RASD2: variants seen among roughly 807,000 people sequenced by gnomAD.
The protein encoded by RASD2 is GTP-binding protein Rhes.
In RASD2, 7 loss-of-function variants were observed where a neutral mutation model predicts 15.8. That is an observed-to-expected ratio of 0.44 (90% CI 0.25 to 0.83). The LOEUF (loss-of-function observed/expected upper bound fraction) is 0.83, where lower values mean the gene tolerates loss of function less well. Ranked by LOEUF, RASD2 falls within the 40% of genes least tolerant of loss-of-function variation. The pLI, the probability that RASD2 is intolerant of heterozygous loss-of-function variation, is 0.20. For synonymous variants in RASD2, 155 were observed against 153.6 expected (o/e 1.01, Z -0.07); for missense variants, 274 against 382.8 (o/e 0.72, Z 2.37).
At chr22:35,545,430 T>C (rs539734733) in intron 1 of RASD2, among the ~76,000 whole-genome samples, 1 of 152,328 alleles carries the variant, frequency 6.6e-6, no homozygotes, top group Admixed American at 6.5e-5. Context: ...TGCCTTTTCC[T>C]CTACACAAGA....
upstream of RASD2, among the ~76,000 whole-genome samples, chr22:35,537,418 G>A (rs1934259804): frequency 6.6e-6 from 1 of 152,232 alleles, no homozygotes; most frequent in Non-Finnish European, 1.5e-5. Context: ...TGCTAATGGG[G>A]GTGACGAGGC....
rs868033780 is a variant in RASD2, at chr22:35,552,646, T to G, written c.*614T>G. 1 of 152,880 alleles carries G rather than the reference T, an allele frequency of 6.5e-6. No homozygotes were observed. Among genetic ancestry groups the G allele is most frequent in the African/African-American group, 2.4e-5 (1 of 41,248 alleles). 9.5% of individuals were successfully genotyped at this position (152,880 alleles called of 1,614,324 possible). ...ACACCTCCTAGACCACGCCCACCAC[T>G]TAGACCACGCCCACCTCCTGACCGC... On this transcript the variant is annotated 3_prime_UTR_variant, in exon 3 of 3. Transcript: ENST00000216127.
chr22:35,546,999 G>A lies in RASD2; in HGVS notation c.190G>A (p.Gly64Ser), dbSNP rs1569102242. 2 of 1,614,104 alleles carry A rather than the reference G, an allele frequency of 1.2e-6. No homozygotes were observed. The highest frequency in any genetic ancestry group is 1.7e-6 in the Non-Finnish European group (2 of 1,180,038). Residue 64 changes from glycine to serine, a missense_variant, in exon 2 of 3, where the codon GGC (glycine) becomes AGC (serine). Gly to Ser is a moderately conservative substitution (Grantham distance 56). Transcript: ENST00000216127. The stretch of plus-strand genomic sequence containing the variant: ...CCACCGTAAGGTATACAACATCCGC[G>A]GCGACATGTACCAGCTCGACATCCT... ...DFHRKVYNIR[G>S]DMYQLDILDT...
intron 1 of RASD2, among the ~76,000 whole-genome samples, chr22:35,542,456 G>A (rs916670120): frequency 2.0e-5 from 3 of 152,254 alleles, no homozygotes; most frequent in African/African-American, 4.8e-5. Context: ...GCCCCAGGAA[G>A]CCAAGTCATT....
the RASD2 span, among the ~76,000 whole-genome samples, chr22:35,533,000 G>A: frequency 6.6e-6 from 1 of 152,168 alleles, no homozygotes; most frequent in South Asian, 2.1e-4. Context: ...GACTGACTTT[G>A]CCCAGTTACT....
upstream of RASD2, among the ~76,000 whole-genome samples, chr22:35,535,952 CG>C (rs1934242131): frequency 6.6e-6 from 1 of 152,030 alleles, no homozygotes; most frequent in Non-Finnish European, 1.5e-5. Flanking sequence ...TCAGATGCAC[CG>C]GGGGCAGGGT....
intron 1 of RASD2, among the ~76,000 whole-genome samples, chr22:35,542,712 C>T (rs1934384927): frequency 6.6e-6 from 1 of 152,216 alleles, no homozygotes; most frequent in Non-Finnish European, 1.5e-5. Flanking sequence ...CTGGGGCATA[C>T]ACCGGGAGGA....
upstream of RASD2, among the ~76,000 whole-genome samples, chr22:35,540,567 G>A (rs755680552): frequency 5.8e-4 from 88 of 151,918 alleles, no homozygotes; most frequent in Non-Finnish European, 9.9e-4. Flanking sequence ...GCTCGCAGGG[G>A]CGCGGGAGGG....
At chr22:35,540,336 G>A (rs1350604539), upstream of RASD2, among the ~76,000 whole-genome samples, 1 of 150,728 alleles carries the variant, frequency 6.6e-6, no homozygotes. Flanking sequence ...AGCGGCCCCG[G>A]CCCCACGCGC....
chr22:35,539,627 G>A (rs1934294789), upstream of RASD2, among the ~76,000 whole-genome samples: 1 of 152,188 alleles, frequency 6.6e-6, no homozygotes, highest in African/African-American at 2.4e-5. Context: ...GCAGGCCACG[G>A]TTTCCAGCTG....
chr22:35,542,434 G>T (rs867188593), intron 1 of RASD2, among the ~76,000 whole-genome samples: 1 of 152,240 alleles, frequency 6.6e-6, no homozygotes, highest in Non-Finnish European at 1.5e-5. Flanking sequence ...CATTAACAGA[G>T]GAATAACCTG....
At position 35,547,684 on chromosome 22, in the gene RASD2, G is replaced by A. The variant is rs527638761; in HGVS notation, c.271+604G>A. ...GGCTGGAGTGCAGTGGCGCGATCTC[G>A]GCTCACTGCAACCTCTGCCTCCCGG... On this transcript the variant is annotated intron_variant, in intron 2 of 2. Coordinates refer to ENST00000216127, the MANE Select transcript of RASD2 (RefSeq NM_014310.4). 1.8e-4 allele frequency among the ~76,000 whole-genome samples: 27 copies of A among 152,160 alleles called. 1 individual carries two copies. In the South Asian group the frequency reaches 3.1e-3, roughly 18 times the overall value.
At position 35,541,105 on chromosome 22, in the gene RASD2, T is replaced by G. The variant is rs1485213229; in HGVS notation, c.-405T>G. On this transcript the variant is annotated 5_prime_UTR_variant, in exon 1 of 3. Transcript: ENST00000216127. ...TCTCTAGGAGCTGCTCCTTCATCAC[T>G]GGAGTCGCCCCTACCTCTCTGCCCC... The G allele has an allele frequency of 6.6e-6, 1 of 151,984 alleles. No individual in the cohort carries two copies. Among genetic ancestry groups the G allele is most frequent in the East Asian group, 1.9e-4 (1 of 5,140 alleles). 9.4% of individuals were successfully genotyped at this position (151,984 alleles called of 1,614,324 possible). A position where few individuals can be genotyped will look rare whatever the true frequency, so the allele number is the denominator to read the frequency against.
At chr22:35,550,440 CAAAAA>C (rs397838574) in intron 2 of RASD2, among the ~76,000 whole-genome samples, 1 of 64,250 alleles carries the variant, frequency 1.6e-5, no homozygotes, top group Non-Finnish European at 2.8e-5. Context: ...GACTCCATCT[CAAAAA>C]AAAAAAAAAA....
Position 35,543,723 on chromosome 22 carries a change from A to G in RASD2, c.-10+2223A>G, listed in dbSNP as rs114305866. 3.0e-3 allele frequency among the ~76,000 whole-genome samples: 459 copies of G among 152,052 alleles called. 2 individuals carry two copies. The highest frequency in any genetic ancestry group is 0.011 in the African/African-American group (441 of 41,470). ...GTCTTCTCTCAGAGATAAAAACCAC[A>G]GAGGATTTTTTTTCTCTTTTTCCCC... is the stretch of plus-strand genomic sequence containing the variant. On this transcript the variant is annotated intron_variant, in intron 1 of 2. Coordinates refer to ENST00000216127, the MANE Select transcript of RASD2 (RefSeq NM_014310.4).
the RASD2 span, among the ~76,000 whole-genome samples, chr22:35,535,546 G>T: frequency 2.6e-5 from 4 of 152,164 alleles, no homozygotes; most frequent in African/African-American, 9.7e-5. Context: ...AAAAGCAAAA[G>T]ATTTCTGTAA....
At chr22:35,534,978 A>G in the RASD2 span, among the ~76,000 whole-genome samples, 1 of 152,208 alleles carries the variant, frequency 6.6e-6, no homozygotes, top group Non-Finnish European at 1.5e-5. Context: ...CTATTTATTC[A>G]TTCATCCAAC....
upstream of RASD2, among the ~76,000 whole-genome samples, chr22:35,536,679 G>A (rs772065212): frequency 2.0e-5 from 3 of 152,130 alleles, no homozygotes; most frequent in South Asian, 2.1e-4. Context: ...CTATGGTATC[G>A]CCAACTTCAA....
the RASD2 span, among the ~76,000 whole-genome samples, chr22:35,534,151 T>C: frequency 2.0e-5 from 3 of 152,218 alleles, no homozygotes; most frequent in South Asian, 6.2e-4. Flanking sequence ...CTCTAACTAG[T>C]CAAGTGACTT....
Sources: gnomAD v4.1 joint callset for allele counts (sites outside exome capture counted in the v4.1 genomes callset) on GRCh38, gnomAD v4.1.1 for gene constraint, MANE v1.5 for transcripts, NCBI Gene and HGNC (gene_info 2026-07-23, HGNC 2026-07-21) for gene names.